CADPS2: variants seen among roughly 807,000 people sequenced by gnomAD.
CADPS2 encodes calcium-dependent secretion activator 2.
CADPS2 carries 93 observed loss-of-function variants against 172.5 expected under a neutral mutation model. The observed-to-expected ratio is 0.54, with a 90% CI of 0.46 to 0.64. The LOEUF (loss-of-function observed/expected upper bound fraction) is 0.64, where lower values mean the gene tolerates loss of function less well. Ranked by LOEUF, CADPS2 falls within the 30% of genes least tolerant of loss-of-function variation. CADPS2 has a pLI of 0.00. For synonymous variants in CADPS2, 546 were observed against 555.2 expected (o/e 0.98, Z 0.23); for missense variants, 1,420 against 1,565.9 (o/e 0.91, Z 1.57).
intron 2 of CADPS2, among the ~76,000 whole-genome samples, chr7:122,722,170 T>C (rs1012373943): frequency 3.3e-5 from 5 of 152,068 alleles, no homozygotes; most frequent in Admixed American, 6.6e-5. Flanking sequence ...CTATTCAACA[T>C]AGTGTTGGAA....
chr7:122,810,586 T>C (rs1799807826), intron 1 of CADPS2, among the ~76,000 whole-genome samples: 1 of 152,182 alleles, frequency 6.6e-6, no homozygotes, highest in Non-Finnish European at 1.5e-5. Flanking sequence ...ACAGGCTATG[T>C]AATAATGTAA....
intron 2 of CADPS2, among the ~76,000 whole-genome samples, chr7:122,716,774 T>C (rs2089670815): frequency 1.3e-5 from 2 of 152,108 alleles, no homozygotes; most frequent in South Asian, 4.1e-4. Context: ...GAGTAAAAGG[T>C]AGAGTGCGAC....
Position 122,744,316 on chromosome 7 carries a change from TC to T in CADPS2, c.340-7249del, listed in dbSNP as rs889943887. 2.6e-5 allele frequency among the ~76,000 whole-genome samples: 4 copies of T among 152,196 alleles called. No homozygotes were observed. The East Asian group carries it at 7.7e-4, about 29-fold the overall frequency. On this transcript the variant is annotated intron_variant, in intron 1 of 29. Coordinates refer to ENST00000449022, the MANE Select transcript of CADPS2 (RefSeq NM_017954.11). ...ACCCTAGACCACCTACCTCCCAACT[TC>T]CTTGACATGAGAGAGAAAACCTCCA...
intron 20 of CADPS2, among the ~76,000 whole-genome samples, chr7:122,405,222 G>A (rs1201319979): frequency 1.3e-5 from 2 of 152,080 alleles, no homozygotes; most frequent in African/African-American, 4.8e-5. Flanking sequence ...TTGGCAGCAG[G>A]TTTACTGTTA....
chr7:122,839,821 C>G (rs921625921), intron 1 of CADPS2, among the ~76,000 whole-genome samples: 36 of 152,176 alleles, frequency 2.4e-4, no homozygotes, highest in Non-Finnish European at 4.1e-4. Context: ...AACACTTTTA[C>G]ACTGTTGGTG....
At chr7:122,379,529 T>C (rs771527184) in intron 24 of CADPS2, 87 bp from the exon 25 acceptor site, 20 of 775,374 alleles carry the variant, frequency 2.6e-5, no homozygotes, top group South Asian at 1.5e-5. Flanking sequence ...CTACTAGTTA[T>C]GACCTATCAG....
chr7:122,806,211 C>T (rs1798764432), intron 1 of CADPS2, among the ~76,000 whole-genome samples: 1 of 152,146 alleles, frequency 6.6e-6, no homozygotes, highest in Non-Finnish European at 1.5e-5. Context: ...CTAAATGTTT[C>T]CTTATATCTC....
intron 28 of CADPS2, among the ~76,000 whole-genome samples, chr7:122,334,115 T>C (rs1201425963): frequency 6.6e-6 from 1 of 152,100 alleles, no homozygotes; most frequent in African/African-American, 2.4e-5. Flanking sequence ...AATGTGACAG[T>C]CTAATTTTAT....
intron 17 of CADPS2, among the ~76,000 whole-genome samples, chr7:122,430,700 C>G (rs998719124): frequency 1.3e-5 from 2 of 152,156 alleles, no homozygotes; most frequent in African/African-American, 4.8e-5. Context: ...AGATTAAAAA[C>G]AGCTGCTTTC....
chr7:122,464,043 T>G (rs990179222), intron 14 of CADPS2, among the ~76,000 whole-genome samples: 1 of 152,196 alleles, frequency 6.6e-6, no homozygotes, highest in Non-Finnish European at 1.5e-5. Context: ...ACATGTCACC[T>G]AGATCTTGGT....
At chr7:122,709,283 G>A (rs1391655547) in intron 2 of CADPS2, among the ~76,000 whole-genome samples, 1 of 152,096 alleles carries the variant, frequency 6.6e-6, no homozygotes, top group Non-Finnish European at 1.5e-5. Context: ...AGACATTTAT[G>A]CAGCCAAAAG....
chr7:122,776,249 C>T (rs184085578), intron 1 of CADPS2, among the ~76,000 whole-genome samples: 7 of 152,226 alleles, frequency 4.6e-5, no homozygotes, highest in Admixed American at 3.9e-4. Context: ...GATCTGATGG[C>T]TTTATAAAGG....
chr7:122,411,468 C>T (rs1391189504), intron 19 of CADPS2, among the ~76,000 whole-genome samples: 1 of 152,078 alleles, frequency 6.6e-6, no homozygotes, highest in African/African-American at 2.4e-5. Context: ...AATCCACCCG[C>T]CTCAGCCTCC....
rs1487533177 is a variant in CADPS2 at position 122,554,613 on chromosome 7, TC to T, written c.1411del (p.Asp471IlefsTer4). ...HRMVVPKNSQ[D>X]SDLKIKLAVR... is the part of the protein sequence containing the mutation. The stretch of plus-strand genomic sequence containing the variant: ...TGCCAGTTTGATTTTTAAGTCAGAA[TC>T]CTGGCTATTTTTTGGAACTACCATT... On this transcript the variant is annotated frameshift_variant, in exon 8 of 30. Coordinates refer to ENST00000449022, the MANE Select transcript of CADPS2 (RefSeq NM_017954.11). LOFTEE classifies it high-confidence loss of function. The T allele has an allele frequency of 6.2e-7, 1 of 1,612,182 alleles. No homozygotes were observed.
intron 1 of CADPS2, among the ~76,000 whole-genome samples, chr7:122,737,425 G>A (rs1360719689): frequency 2.0e-5 from 3 of 152,088 alleles, no homozygotes; most frequent in African/African-American, 4.8e-5. Flanking sequence ...TGGCCAGACT[G>A]GTCTCAAACT....
chr7:122,814,305 A>AT (rs2140223341), intron 1 of CADPS2, among the ~76,000 whole-genome samples: 1 of 152,156 alleles, frequency 6.6e-6, no homozygotes, highest in Admixed American at 6.5e-5. Flanking sequence ...TGATGACATG[A>AT]TATCTTCTTA....
At chr7:122,482,793 T>A (rs919273872) in intron 11 of CADPS2, among the ~76,000 whole-genome samples, 1 of 152,038 alleles carries the variant, frequency 6.6e-6, no homozygotes, top group African/African-American at 2.4e-5. Context: ...AACTAGAGTT[T>A]GTAGGAAAGA....
chr7:122,436,491 C>T (rs1310432682), intron 17 of CADPS2: 3 of 395,350 alleles, frequency 7.6e-6, no homozygotes, highest in Non-Finnish European at 1.3e-5. Context: ...TTAGTCTAGT[C>T]CTGAGGATAA....
chr7:122,686,324 C>T (rs1480831823), intron 2 of CADPS2, among the ~76,000 whole-genome samples: 2 of 152,170 alleles, frequency 1.3e-5, no homozygotes, highest in Non-Finnish European at 2.9e-5. Context: ...ACCTATTGTA[C>T]ATGTGAAATA....
Sources: gnomAD v4.1 joint callset for allele counts (sites outside exome capture counted in the v4.1 genomes callset) on GRCh38, gnomAD v4.1.1 for gene constraint, MANE v1.5 for transcripts, NCBI Gene and HGNC (gene_info 2026-07-23, HGNC 2026-07-21) for gene names.